BAZ1B: variants seen among roughly 807,000 people sequenced by gnomAD.
The protein encoded by BAZ1B is bromodomain adjacent to zinc finger domain 1B.
In BAZ1B, 22 loss-of-function variants were observed where a neutral mutation model predicts 153.8. The observed-to-expected ratio is 0.14, with a 90% confidence interval of 0.10 to 0.20. The LOEUF (loss-of-function observed/expected upper bound fraction) is 0.20, where lower values mean the gene tolerates loss of function less well. Among genes scored for constraint, BAZ1B ranks in the 10% least tolerant of loss-of-function variants. The pLI is 1.00. For missense variants in BAZ1B, 1,325 were observed against 1,799.3 expected (o/e 0.74, Z 4.77); for synonymous variants, 676 against 633.4 (o/e 1.07, Z -1.01).
intron 1 of BAZ1B, among the ~76,000 whole-genome samples, chr7:73,518,713 C>CT (rs1790913676): frequency 2.6e-5 from 4 of 152,186 alleles, no homozygotes. Context: ...GATTCCATCT[C>CT]TTAAAACAAA....
chr7:73,466,045 A>G (rs1410494084), intron 10 of BAZ1B, among the ~76,000 whole-genome samples: 1 of 152,194 alleles, frequency 6.6e-6, no homozygotes. Flanking sequence ...GCTATATAAG[A>G]TCTATCACAT....
At chr7:73,458,859 A>G (rs540048966) in intron 13 of BAZ1B, among the ~76,000 whole-genome samples, 2 of 152,306 alleles carry the variant, frequency 1.3e-5, no homozygotes, top group Non-Finnish European at 2.9e-5. Flanking sequence ...AAATCACCGC[A>G]TACCAGCTTA....
At chr7:73,515,913 G>C (rs530197745) in intron 1 of BAZ1B, among the ~76,000 whole-genome samples, 6 of 152,258 alleles carry the variant, frequency 3.9e-5, no homozygotes, top group South Asian at 2.1e-4. Flanking sequence ...GGGAGGCAGA[G>C]GGGAACGGAT....
intron 16 of BAZ1B, among the ~76,000 whole-genome samples, chr7:73,444,938 T>C (rs898721902): frequency 6.6e-6 from 1 of 151,910 alleles, no homozygotes; most frequent in Admixed American, 6.6e-5. Flanking sequence ...CGCTTGAACC[T>C]GGGAGGCGGA....
In BAZ1B at chr7:73,477,053, G is replaced by A. The variant is rs1200789750; in HGVS notation, c.2408C>T (p.Ala803Val). 3 of 1,613,580 alleles carry A rather than the reference G, an allele frequency of 1.9e-6. No individual in the cohort carries two copies. Among genetic ancestry groups the A allele is most frequent in the Admixed American group, 1.7e-5 (1 of 59,936 alleles). ...AACTTTTCCATTTTCTTTATTTTTG[G>A]CTTCCATTTCTTTCCGTTTCTGTTT... Reference protein sequence around the residue: ...AEKQKRKEMEAKNKENGKVEN... With the variant: ...AEKQKRKEMEVKNKENGKVEN... The change falls in exon 7 of 20, where the codon GCC becomes GTC. Residue 803 changes from alanine to valine, a missense_variant. By Grantham distance (64) the Ala-to-Val change is moderately conservative. This residue lies in a region of BAZ1B where 431 missense variants were observed against 563.5 expected (regional missense o/e 0.76). Coordinates refer to ENST00000339594, the MANE Select transcript of BAZ1B (RefSeq NM_032408.4). This position sits in a 1 kb window ranked among gnomAD's most constrained non-coding sequence, Gnocchi z 5.6.
chr7:73,505,981 T>C (rs797037158), intron 3 of BAZ1B, among the ~76,000 whole-genome samples: 10 of 152,340 alleles, frequency 6.6e-5, no homozygotes, highest in African/African-American at 2.2e-4. Flanking sequence ...GTCATTTAAA[T>C]GTACAAGGCT....
intron 7 of BAZ1B, among the ~76,000 whole-genome samples, chr7:73,474,380 TA>T (rs1788922987): frequency 6.6e-6 from 1 of 152,186 alleles, no homozygotes. Context: ...AAAAGATCCT[TA>T]AATCTAACAC....
intron 13 of BAZ1B, among the ~76,000 whole-genome samples, chr7:73,452,671 G>A (rs1410522256): frequency 4.0e-5 from 6 of 149,764 alleles, no homozygotes; most frequent in Middle Eastern, 3.4e-3. Flanking sequence ...GCAGTGAGCC[G>A]AGATTGCACC....
intron 6 of BAZ1B, among the ~76,000 whole-genome samples, chr7:73,485,647 G>C (rs1282510485): frequency 6.7e-6 from 1 of 150,360 alleles, no homozygotes; most frequent in African/African-American, 2.4e-5. Flanking sequence ...AAAAAAGAGA[G>C]AGAGAATGAT....
intron 13 of BAZ1B, among the ~76,000 whole-genome samples, chr7:73,451,770 C>G (rs1788033490): frequency 6.6e-6 from 1 of 152,240 alleles, no homozygotes; most frequent in Non-Finnish European, 1.5e-5. Flanking sequence ...TTTTGCAGAG[C>G]TCCTCAGTAA....
At chr7:73,511,034 G>A (rs1228193589) in intron 1 of BAZ1B, among the ~76,000 whole-genome samples, 182 bp from the exon 2 acceptor site, 2 of 152,162 alleles carry the variant, frequency 1.3e-5, no homozygotes, top group African/African-American at 2.4e-5. Context: ...CACTTTGGGA[G>A]GCCGAGGCGG....
intron 1 of BAZ1B, among the ~76,000 whole-genome samples, chr7:73,515,057 G>T (rs1019605433): frequency 3.9e-5 from 6 of 152,132 alleles, no homozygotes; most frequent in Non-Finnish European, 8.8e-5. Flanking sequence ...GGATGACAGA[G>T]TGAGAATCTG....
chr7:73,449,416 C>CA, intron 15 of BAZ1B, 126 bp downstream of exon 15: 1 of 1,154,926 alleles, frequency 8.7e-7, no homozygotes, highest in Non-Finnish European at 1.2e-6. Context: ...TGTAAATGAT[C>CA]AGGCTCTGTA....
At chr7:73,484,697 T>C (rs1210065730) in intron 6 of BAZ1B, among the ~76,000 whole-genome samples, 2 of 152,188 alleles carry the variant, frequency 1.3e-5, no homozygotes, top group African/African-American at 4.8e-5. Flanking sequence ...CAAAATTATG[T>C]CACTGCCTTC....
chr7:73,477,493 G>T lies in BAZ1B; in HGVS notation c.1968C>A (p.Val656=). ...GGFLYLNRVL[V]ILLQTLLQDE... ...CTTGTAGGAGGGTCTGTAAGAGGAT[G>T]ACCAACACCCTGTTAAGGTATAAAA... is the stretch of plus-strand genomic sequence containing the variant. The change falls in exon 7 of 20, where the codon GTC becomes GTA. Residue 656 remains valine, a synonymous_variant. Transcript: ENST00000339594. This position sits in a 1 kb window ranked among gnomAD's most constrained non-coding sequence, Gnocchi z 5.6. The T allele has an allele frequency of 1.2e-6, 2 of 1,614,172 alleles. No homozygotes were observed. Among genetic ancestry groups the T allele is most frequent in the Non-Finnish European group, 1.7e-6 (2 of 1,180,016 alleles).
At chr7:73,490,818 T>C (rs1036249323) in intron 5 of BAZ1B, among the ~76,000 whole-genome samples, 1 of 151,452 alleles carries the variant, frequency 6.6e-6, no homozygotes, top group Non-Finnish European at 1.5e-5. Context: ...TTGGTCAGGC[T>C]GGTCTCGAAC....
chr7:73,467,447 G>A (rs1273749037), intron 9 of BAZ1B, among the ~76,000 whole-genome samples: 5 of 152,004 alleles, frequency 3.3e-5, no homozygotes, highest in African/African-American at 9.7e-5. Context: ...TTGGCTCACT[G>A]CAACCCCTGC....
intron 13 of BAZ1B, among the ~76,000 whole-genome samples, chr7:73,456,121 C>T (rs570565099): frequency 1.3e-5 from 2 of 152,142 alleles, no homozygotes. Context: ...AAAAATGAAG[C>T]TGAAGCCTTA....
chr7:73,491,843 A>C (rs570394744), intron 5 of BAZ1B, among the ~76,000 whole-genome samples: 2 of 152,326 alleles, frequency 1.3e-5, no homozygotes, highest in South Asian at 4.1e-4. Context: ...TAAAATGGTT[A>C]TACCTGAAGA....
Sources: allele counts gnomAD v4.1 joint callset (sites outside exome capture counted in the v4.1 genomes callset), GRCh38; gene constraint gnomAD v4.1.1; regional missense constraint gnomAD v4.1.1; non-coding constraint Gnocchi (gnomAD v3.1); transcripts MANE v1.5; gene names NCBI Gene and HGNC (gene_info 2026-07-23, HGNC 2026-07-21).